IKBKB: variants seen among roughly 807,000 people sequenced by gnomAD.
IKBKB encodes the protein inhibitor of nuclear factor kappa B kinase subunit beta.
IKBKB carries 42 observed loss-of-function variants against 113.6 expected under a neutral mutation model. That is an observed-to-expected ratio of 0.37 (90% CI 0.29 to 0.48). IKBKB has a LOEUF of 0.48. Ranked by LOEUF, IKBKB falls within the 20% of genes least tolerant of loss-of-function variation. IKBKB has a pLI of 0.99. For missense variants in IKBKB, 673 were observed against 939.7 expected (o/e 0.72, Z 3.71); for synonymous variants, 296 against 361.3 (o/e 0.82, Z 2.05).
At chr8:42,307,209 C>T (rs768126900) in intron 7 of IKBKB, among the ~76,000 whole-genome samples, 8 of 151,996 alleles carry the variant, frequency 5.3e-5, no homozygotes, top group Admixed American at 3.3e-4. Flanking sequence ...AGGTGGGGGA[C>T]GGCAGGGGGA....
intron 15 of IKBKB, 139 bp from the exon 16 acceptor site, chr8:42,320,594 CCA>C: frequency 1.5e-6 from 1 of 676,310 alleles, no homozygotes; most frequent in South Asian, 1.7e-5. Context: ...CATTCAGACC[CCA>C]CAGTCCACAT....
intron 2 of IKBKB, among the ~76,000 whole-genome samples, chr8:42,282,214 A>T (rs1721808957): frequency 6.6e-6 from 1 of 151,926 alleles, no homozygotes; most frequent in South Asian, 2.1e-4. Context: ...ACAGGGTCTC[A>T]CTCCAGTAGT....
chr8:42,331,554 C>A lies in IKBKB; in HGVS notation c.*575C>A, dbSNP rs199751650. Reference sequence around the variant, plus strand: ...GTTTAATTATAGTTGCGGCCTGGCCCCATCCTCACTTCCTCTTTTTATTTC... The same window carrying A: ...GTTTAATTATAGTTGCGGCCTGGCCACATCCTCACTTCCTCTTTTTATTTC... On this transcript the variant is annotated 3_prime_UTR_variant, in exon 22 of 22. Transcript: ENST00000520810. 6 of 605,440 alleles carry A rather than the reference C, an allele frequency of 9.9e-6. No homozygotes were observed. The highest frequency in any genetic ancestry group is 4.3e-4 in the Middle Eastern group (1 of 2,324). 37.5% of individuals were successfully genotyped at this position (605,440 alleles called of 1,614,324 possible).
intron 2 of IKBKB, among the ~76,000 whole-genome samples, chr8:42,273,259 A>G (rs1012549396): frequency 3.3e-5 from 5 of 151,934 alleles, no homozygotes; most frequent in African/African-American, 1.2e-4. Flanking sequence ...TCTACTAAAA[A>G]TACAAAATTA....
intron 16 of IKBKB, 151 bp from the exon 17 acceptor site, chr8:42,321,745 C>T: frequency 1.6e-6 from 1 of 610,048 alleles, no homozygotes; most frequent in Non-Finnish European, 2.9e-6. Flanking sequence ...AATCCCAGCA[C>T]CTTGGGATGC....
chr8:42,320,126 A>G (rs576330257), intron 15 of IKBKB: 1 of 158,210 alleles, frequency 6.3e-6, no homozygotes, highest in Non-Finnish European at 1.4e-5. Flanking sequence ...ACCTCACACA[A>G]ACTGAAGGTT....
At position 42,308,780 on chromosome 8, in the gene IKBKB, T is replaced by C. The variant is rs543967426; in HGVS notation, c.568-121T>C. ...CCTGGGGTGCCCTCCTCGCCCTGCA[T>C]GCATGTGCCAGTGCCCTCTAGGATG... On this transcript the variant is annotated intron_variant, in intron 7 of 21. Coordinates refer to ENST00000520810, the MANE Select transcript of IKBKB (RefSeq NM_001556.3). The C allele has an allele frequency of 1.6e-4, 142 of 884,816 alleles. 3 individuals are homozygous for C. The South Asian group carries it at 1.8e-3, about 11-fold the overall frequency. The allele number at this position is 884,816 out of a possible 1,614,324, so 54.8% of individuals were successfully genotyped here.
chr8:42,316,746 C>G lies in IKBKB; in HGVS notation c.967C>G (p.His323Asp). ...CTTGAACATGGTCACGGGCACCATCCACACCTACCCTGTGACAGAGGATGA... is the reference window on the plus strand; with the variant it reads ...CTTGAACATGGTCACGGGCACCATCGACACCTACCCTGTGACAGAGGATGA... ...HILNMVTGTI[H>D]TYPVTEDESL... is the part of the protein sequence containing the mutation. Residue 323 changes from histidine (H) to aspartate (D), a missense_variant, in exon 11 of 22, where the codon CAC becomes GAC. Coordinates refer to ENST00000520810, the MANE Select transcript of IKBKB (RefSeq NM_001556.3). The surrounding 1 kb of genome is among the most constrained non-coding windows in gnomAD (Gnocchi z 4.5). The G allele has an allele frequency of 7.4e-6, 12 of 1,613,876 alleles. No individual in the cohort carries two copies. Among genetic ancestry groups the G allele is most frequent in the Non-Finnish European group, 1.0e-5 (12 of 1,179,872 alleles).
At chr8:42,312,711 G>A (rs886633098) in intron 8 of IKBKB, among the ~76,000 whole-genome samples, 10 of 152,192 alleles carry the variant, frequency 6.6e-5, no homozygotes, top group African/African-American at 1.4e-4. Flanking sequence ...TGGAGCCCCC[G>A]ACTTAGAGCT....
chr8:42,316,865 C>T lies in IKBKB; in HGVS notation c.1086C>T (p.Ile362=), dbSNP rs759450524. ...TGCAGGAAGCGGGCCTGGCGTTGAT[C>T]CCCGATAAGCCTGCCACTCAGTGTA... ...ELLQEAGLAL[I]PDKPATQCIS... Residue 362 remains isoleucine (I), a synonymous_variant, in exon 11 of 22, where the codon ATC becomes ATT. Transcript: ENST00000520810. This position sits in a 1 kb window ranked among gnomAD's most constrained non-coding sequence, Gnocchi z 4.5. 1 of 1,614,130 alleles carries T rather than the reference C, an allele frequency of 6.2e-7. No individual in the cohort carries two copies. Among genetic ancestry groups the T allele is most frequent in the Admixed American group, 1.7e-5 (1 of 60,024 alleles).
chr8:42,320,372 AG>A (rs1173449696), intron 15 of IKBKB: 1 of 223,146 alleles, frequency 4.5e-6, no homozygotes, highest in Non-Finnish European at 9.0e-6. Context: ...GCATCAGGAT[AG>A]ACAGATGAAG....
intron 2 of IKBKB, among the ~76,000 whole-genome samples, chr8:42,272,994 C>T (rs944752961): frequency 3.3e-5 from 5 of 151,612 alleles, no homozygotes; most frequent in South Asian, 4.2e-4. Flanking sequence ...CCTGTAGTCC[C>T]ACTACATTGG....
At chr8:42,308,268 C>T (rs2130553645) in intron 7 of IKBKB, among the ~76,000 whole-genome samples, 1 of 142,552 alleles carries the variant, frequency 7.0e-6, no homozygotes, top group African/African-American at 2.6e-5. Flanking sequence ...TGCTGCAACC[C>T]TTTTTTTTTT....
intron 3 of IKBKB, among the ~76,000 whole-genome samples, chr8:42,289,528 ATCT>A (rs1812133906): frequency 6.6e-6 from 1 of 152,096 alleles, no homozygotes; most frequent in African/African-American, 2.4e-5. Flanking sequence ...GGGGCTGTCC[ATCT>A]GCCTGGTGGC....
Position 42,319,382 on chromosome 8 carries a change from G to T in IKBKB, c.1477G>T (p.Asp493Tyr). Residue 493 changes from aspartate (D) to tyrosine (Y), a missense_variant, in exon 14 of 22, where the codon GAC becomes TAC. Physicochemically the swap from Asp to Tyr is radical, Grantham distance 160. This residue lies in a region of IKBKB where 506 missense variants were observed against 638.7 expected (regional missense o/e 0.79). Transcript: ENST00000520810. ...TTTCTTCAAAACCAGCATCCAGATT[G>T]ACCTGGAGAAGTACAGCGAGCAAAC... Reference protein sequence around the residue: ...LDFFKTSIQIDLEKYSEQTEF... With the variant: ...LDFFKTSIQIYLEKYSEQTEF... 1 of 1,614,178 alleles carries T rather than the reference G, an allele frequency of 6.2e-7. No individual in the cohort carries two copies. The highest frequency in any genetic ancestry group is 1.1e-5 in the South Asian group (1 of 91,082).
At chr8:42,320,585 A>C (rs1819572467) in intron 15 of IKBKB, 150 bp from the exon 16 acceptor site, 12 of 633,664 alleles carry the variant, frequency 1.9e-5, no homozygotes, top group Admixed American at 2.8e-5. Flanking sequence ...AGGCGCAGCC[A>C]TTCAGACCCC....
Position 42,314,337 on chromosome 8 carries a change from G to A in IKBKB, c.708G>A (p.Arg236=). 1 of 1,613,602 alleles carries A rather than the reference G, an allele frequency of 6.2e-7. No individual in the cohort carries two copies. Among genetic ancestry groups the A allele is most frequent in the East Asian group, 2.2e-5 (1 of 44,884 alleles). ...WQPVQWHSKV[R]QKSEVDIVVS... Reference sequence around the variant, plus strand: ...ATATTTGCAGGCATTCAAAAGTGCGGCAGAAGAGTGAGGTGGACATTGTTG... The same window carrying A: ...ATATTTGCAGGCATTCAAAAGTGCGACAGAAGAGTGAGGTGGACATTGTTG... Residue 236 remains arginine (R), a synonymous_variant, in exon 9 of 22, where the codon CGG becomes CGA. Coordinates refer to ENST00000520810, the MANE Select transcript of IKBKB (RefSeq NM_001556.3).
At chr8:42,296,773 G>A (rs1365720576) in intron 5 of IKBKB, among the ~76,000 whole-genome samples, 1 of 152,026 alleles carries the variant, frequency 6.6e-6, no homozygotes, top group Non-Finnish European at 1.5e-5. Context: ...GTCCAATACT[G>A]GCTCCTTTGC....
chr8:42,295,111 A>G (rs903071691), intron 5 of IKBKB, among the ~76,000 whole-genome samples: 2 of 149,140 alleles, frequency 1.3e-5, no homozygotes, highest in African/African-American at 4.9e-5. Context: ...AGTTATTACG[A>G]AAGTCTTTTT....
Sources: gnomAD v4.1 joint callset for allele counts (sites outside exome capture counted in the v4.1 genomes callset) on GRCh38, gnomAD v4.1.1 for gene constraint, gnomAD v4.1.1 regional missense constraint, Gnocchi (gnomAD v3.1) non-coding constraint, MANE v1.5 for transcripts, NCBI Gene and HGNC (gene_info 2026-07-23, HGNC 2026-07-21) for gene names.